Variants in MAN2A1 observed in about 807,000 individuals in gnomAD.
MAN2A1 encodes the protein alpha-mannosidase 2.
A neutral mutation model predicts 142.6 loss-of-function variants in MAN2A1; 76 were observed. The observed-to-expected ratio is 0.53, with a 90% confidence interval of 0.44 to 0.65. The LOEUF is 0.65. Ranked by LOEUF, MAN2A1 falls within the 30% of genes least tolerant of loss-of-function variation. The pLI, the probability that MAN2A1 is intolerant of heterozygous loss-of-function variation, is 0.00. For synonymous variants in MAN2A1, 559 were observed against 473.2 expected (o/e 1.18, Z -2.35); for missense variants, 1,311 against 1,365.1 (o/e 0.96, Z 0.62).
intron 5 of MAN2A1, among the ~76,000 whole-genome samples, chr5:109,760,148 C>G (rs923551372): frequency 1.3e-5 from 2 of 151,982 alleles, no homozygotes; most frequent in African/African-American, 2.4e-5. Flanking sequence ...GCCTCCCAGC[C>G]CCTGACGCCC....
intron 20 of MAN2A1, among the ~76,000 whole-genome samples, chr5:109,857,156 C>T (rs1755645683): frequency 1.3e-5 from 2 of 152,292 alleles, no homozygotes; most frequent in Admixed American, 6.5e-5. Flanking sequence ...TGTGAAGGCC[C>T]TGAGGCCGGA....
At chr5:109,866,786 G>A in intron 21 of MAN2A1, 60 bp from the exon 22 acceptor site, 1 of 1,120,284 alleles carries the variant, frequency 8.9e-7, no homozygotes, top group Admixed American at 1.9e-5. Flanking sequence ...AGAATATGTA[G>A]TTGTGCTGCT....
chr5:109,735,243 T>A (rs1250046817), intron 4 of MAN2A1, among the ~76,000 whole-genome samples: 1 of 151,994 alleles, frequency 6.6e-6, no homozygotes, highest in Non-Finnish European at 1.5e-5. Context: ...TCCTCCATCC[T>A]TTTATTTTGA....
At chr5:109,784,453 A>G (rs111663693) in intron 9 of MAN2A1, among the ~76,000 whole-genome samples, 1 of 152,292 alleles carries the variant, frequency 6.6e-6, no homozygotes, top group African/African-American at 2.4e-5. Context: ...TGCTATTCAT[A>G]AATAAGCCTG....
chr5:109,712,381 A>T (rs187310104), intron 1 of MAN2A1, among the ~76,000 whole-genome samples: 204 of 152,262 alleles, frequency 1.3e-3, no homozygotes, highest in African/African-American at 4.5e-3. Context: ...ATCTTCTGAA[A>T]ATACCTTTCC....
intron 1 of MAN2A1, among the ~76,000 whole-genome samples, chr5:109,694,539 G>A (rs911243536): frequency 2.0e-5 from 3 of 151,970 alleles, no homozygotes; most frequent in African/African-American, 4.8e-5. Flanking sequence ...TTGTGGAGAC[G>A]GGGTCTTACT....
At chr5:109,811,867 T>C (rs1385472262) in intron 12 of MAN2A1, among the ~76,000 whole-genome samples, 4 of 152,184 alleles carry the variant, frequency 2.6e-5, no homozygotes, top group Non-Finnish European at 5.9e-5. Context: ...TTTGAATGTG[T>C]ATTCTCACCA....
chr5:109,694,003 A>G (rs898646503), intron 1 of MAN2A1, among the ~76,000 whole-genome samples: 21 of 152,224 alleles, frequency 1.4e-4, no homozygotes, highest in African/African-American at 4.6e-4. Flanking sequence ...GAAATTAGTC[A>G]TCACTTCTTA....
At chr5:109,831,657 T>C (rs968621499) in intron 16 of MAN2A1, among the ~76,000 whole-genome samples, 3 of 152,198 alleles carry the variant, frequency 2.0e-5, no homozygotes, top group South Asian at 2.1e-4. Context: ...GCACTAGCTT[T>C]TTCTTTAACT....
At chr5:109,855,914 T>C (rs1755594024) in intron 20 of MAN2A1, among the ~76,000 whole-genome samples, 2 of 152,216 alleles carry the variant, frequency 1.3e-5, no homozygotes, top group African/African-American at 4.8e-5. Context: ...ATTGTTCTTA[T>C]GTGTTGCAAA....
intron 4 of MAN2A1, among the ~76,000 whole-genome samples, chr5:109,730,710 A>T (rs2112585687): frequency 6.6e-6 from 1 of 152,284 alleles, no homozygotes. Flanking sequence ...CACTTTACAA[A>T]TTGTAACTAA....
intron 4 of MAN2A1, among the ~76,000 whole-genome samples, chr5:109,736,183 A>G (rs1467610396): frequency 6.6e-6 from 1 of 152,182 alleles, no homozygotes; most frequent in Non-Finnish European, 1.5e-5. Flanking sequence ...ATGCATGCAT[A>G]AACACACACA....
At chr5:109,782,707 T>C (rs1366512831) in intron 9 of MAN2A1, among the ~76,000 whole-genome samples, 1 of 152,150 alleles carries the variant, frequency 6.6e-6, no homozygotes, top group Non-Finnish European at 1.5e-5. Flanking sequence ...TATTAAATAC[T>C]ATTTCAAAAG....
chr5:109,834,299 T>C (rs1755005049), intron 16 of MAN2A1, among the ~76,000 whole-genome samples: 1 of 152,204 alleles, frequency 6.6e-6, no homozygotes, highest in Non-Finnish European at 1.5e-5. Flanking sequence ...AGGTATTTTA[T>C]TCACCTCGTA....
intron 16 of MAN2A1, among the ~76,000 whole-genome samples, chr5:109,832,840 G>C (rs182690328): frequency 1.4e-5 from 2 of 144,386 alleles, no homozygotes; most frequent in Non-Finnish European, 2.9e-5. Flanking sequence ...TGGAGGGGGC[G>C]GCTGCCGGGC....
chr5:109,794,170 A>G (rs1442237550), intron 12 of MAN2A1: 1 of 152,152 alleles, frequency 6.6e-6, no homozygotes, highest in Non-Finnish European at 1.5e-5. Flanking sequence ...TATTTGATAG[A>G]GGCATTTGGA....
At chr5:109,812,169 T>G (rs1020983289) in intron 12 of MAN2A1, among the ~76,000 whole-genome samples, 9 of 152,140 alleles carry the variant, frequency 5.9e-5, no homozygotes, top group Non-Finnish European at 1.2e-4. Flanking sequence ...TAATTTAACA[T>G]TAACAATAAT....
chr5:109,776,200 T>C (rs528116549), intron 8 of MAN2A1, among the ~76,000 whole-genome samples: 2 of 152,168 alleles, frequency 1.3e-5, no homozygotes, highest in African/African-American at 2.4e-5. Context: ...AGAAAGGAAG[T>C]GATATTACTG....
intron 3 of MAN2A1, among the ~76,000 whole-genome samples, chr5:109,721,234 GT>G (rs1304406510): frequency 2.0e-5 from 3 of 152,022 alleles, no homozygotes; most frequent in African/African-American, 7.3e-5. Context: ...TAAAATCTGT[GT>G]TTTTTCCATT....
Sources: allele counts gnomAD v4.1 joint callset (sites outside exome capture counted in the v4.1 genomes callset), GRCh38; gene constraint gnomAD v4.1.1; transcripts MANE v1.5; gene names NCBI Gene and HGNC (gene_info 2026-07-23, HGNC 2026-07-21).